The following OSBPL6 variants were observed in gnomAD, a reference collection of about 807,000 sequenced individuals.
The protein encoded by OSBPL6 is oxysterol binding protein like 6, also known as oxysterol-binding protein-related protein 6.
In OSBPL6, 49 loss-of-function variants were observed where a neutral mutation model predicts 125.8. The ratio of observed to expected loss-of-function variants is 0.39; its 90% CI spans 0.31 to 0.49. The LOEUF is 0.49. Ranked by LOEUF, OSBPL6 falls within the 20% of genes least tolerant of loss-of-function variation. OSBPL6 has a pLI of 0.88. For synonymous variants in OSBPL6, 394 were observed against 391.8 expected, an observed-to-expected ratio of 1.01 and a Z score of -0.07; for missense variants, 986 against 1,135.4, an observed-to-expected ratio of 0.87 and a Z score of 1.89.
At chr2:178,389,849 G>A (rs1305706535) in intron 21 of OSBPL6, among the ~76,000 whole-genome samples, 1 of 152,128 alleles carries the variant, frequency 6.6e-6, no homozygotes, top group Non-Finnish European at 1.5e-5. Flanking sequence ...TTCTAATATG[G>A]TAAACAGGTA....
At chr2:178,238,776 G>A (rs2091164760) in intron 1 of OSBPL6, among the ~76,000 whole-genome samples, 1 of 152,160 alleles carries the variant, frequency 6.6e-6, no homozygotes, top group South Asian at 2.1e-4. Flanking sequence ...CATGGTTTCA[G>A]GTACCCACTG....
intron 12 of OSBPL6, among the ~76,000 whole-genome samples, chr2:178,354,506 G>A (rs139566162): frequency 1.9e-4 from 29 of 152,252 alleles, no homozygotes; most frequent in African/African-American, 6.0e-4. Flanking sequence ...ATTACATAAT[G>A]GTAAAGTGAT....
chr2:178,365,484 G>A (rs918913262), intron 13 of OSBPL6, among the ~76,000 whole-genome samples: 8 of 151,972 alleles, frequency 5.3e-5, no homozygotes, highest in African/African-American at 1.9e-4. Context: ...CAACCAGCCT[G>A]GTCAACATGG....
chr2:178,334,731 A>T (rs1192870893), intron 8 of OSBPL6, among the ~76,000 whole-genome samples: 5 of 152,168 alleles, frequency 3.3e-5, no homozygotes, highest in Non-Finnish European at 1.5e-5. Flanking sequence ...CATGTTGGCC[A>T]TGCTGGTCTC....
intron 1 of OSBPL6, among the ~76,000 whole-genome samples, chr2:178,205,231 T>C (rs956576373): frequency 1.3e-5 from 2 of 152,062 alleles, no homozygotes; most frequent in African/African-American, 4.8e-5. Flanking sequence ...TAAAAAGAGG[T>C]TGAAGTGACA....
intron 2 of OSBPL6, among the ~76,000 whole-genome samples, chr2:178,301,076 A>G (rs13400415): frequency 0.046 from 6,928 of 152,084 alleles, 337 homozygotes; most frequent in East Asian, 0.18. Flanking sequence ...TTTTTTGAAC[A>G]ATTCAACCTG....
chr2:178,236,747 A>G (rs1371389211), intron 1 of OSBPL6, among the ~76,000 whole-genome samples: 1 of 152,190 alleles, frequency 6.6e-6, no homozygotes, highest in Non-Finnish European at 1.5e-5. Context: ...GTCACTTATA[A>G]CATTGTCTTA....
intron 18 of OSBPL6, among the ~76,000 whole-genome samples, 176 bp downstream of exon 18, chr2:178,384,352 C>A (rs1157104194): frequency 6.6e-6 from 1 of 152,200 alleles, no homozygotes; most frequent in East Asian, 1.9e-4. Flanking sequence ...GTTAAGGACA[C>A]ACCCATGACA....
intron 1 of OSBPL6, among the ~76,000 whole-genome samples, chr2:178,217,807 C>T (rs905232137): frequency 2.0e-5 from 3 of 152,128 alleles, no homozygotes; most frequent in African/African-American, 4.8e-5. Context: ...AAGATGGAGC[C>T]GCCATCTTGA....
chr2:178,335,285 G>C (rs1334604931), intron 8 of OSBPL6, among the ~76,000 whole-genome samples: 1 of 151,904 alleles, frequency 6.6e-6, no homozygotes, highest in Non-Finnish European at 1.5e-5. Context: ...GAGAATGGAA[G>C]ACTAAAATCA....
intron 13 of OSBPL6, among the ~76,000 whole-genome samples, chr2:178,370,506 G>A (rs191158583): frequency 5.9e-5 from 9 of 152,242 alleles, no homozygotes; most frequent in South Asian, 2.1e-4. Flanking sequence ...ATGCAGTGTC[G>A]TTGCTGGGTT....
intron 19 of OSBPL6, among the ~76,000 whole-genome samples, chr2:178,385,766 CTGTGCCGGTGGAGAGCCACCACCTTA>C (rs1267727239): frequency 6.6e-6 from 1 of 152,206 alleles, no homozygotes; most frequent in African/African-American, 2.4e-5. Context: ...TCCATGCGGA[CTGTGCCGGTGGAGAGCCACCACCTTA>C]TCTCATGTTC....
At chr2:178,334,036 C>G (rs758638383) in intron 8 of OSBPL6, among the ~76,000 whole-genome samples, 1 of 152,116 alleles carries the variant, frequency 6.6e-6, no homozygotes, top group African/African-American at 2.4e-5. Context: ...GGAGGCTGAC[C>G]TTGTTCTCTG....
intron 2 of OSBPL6, among the ~76,000 whole-genome samples, chr2:178,285,464 T>C (rs1005858396): frequency 6.6e-6 from 1 of 152,188 alleles, no homozygotes; most frequent in East Asian, 1.9e-4. Flanking sequence ...ATCCTTGCTT[T>C]CTTTATACAC....
chr2:178,206,606 T>G (rs2089544508), intron 1 of OSBPL6, among the ~76,000 whole-genome samples: 1 of 152,050 alleles, frequency 6.6e-6, no homozygotes, highest in South Asian at 2.1e-4. Context: ...GAGGTTTTTT[T>G]GTTTTGTTTT....
intron 23 of OSBPL6, among the ~76,000 whole-genome samples, chr2:178,393,008 A>C (rs547752457): frequency 2.0e-5 from 3 of 152,346 alleles, no homozygotes; most frequent in Admixed American, 2.0e-4. Flanking sequence ...CAGGAAAAGC[A>C]GTATTCATAG....
intron 15 of OSBPL6, 146 bp downstream of exon 15, chr2:178,374,173 T>G: frequency 1.0e-6 from 1 of 992,676 alleles, no homozygotes; most frequent in Non-Finnish European, 1.5e-6. Context: ...GCAGCAAAGC[T>G]AAAAGCATGC....
chr2:178,268,565 T>C (rs2092303078), intron 1 of OSBPL6, among the ~76,000 whole-genome samples: 3 of 152,224 alleles, frequency 2.0e-5, no homozygotes, highest in Non-Finnish European at 4.4e-5. Flanking sequence ...TGGAATGCCA[T>C]TCTGATTGCT....
intron 2 of OSBPL6, among the ~76,000 whole-genome samples, chr2:178,286,005 A>G (rs1684666653): frequency 6.6e-6 from 1 of 152,198 alleles, no homozygotes; most frequent in Non-Finnish European, 1.5e-5. Flanking sequence ...TCAGTAATTT[A>G]GTGTAATCAT....
Sources: allele counts gnomAD v4.1 joint callset (sites outside exome capture counted in the v4.1 genomes callset), GRCh38; gene constraint gnomAD v4.1.1; transcripts MANE v1.5; gene names NCBI Gene and HGNC (gene_info 2026-07-23, HGNC 2026-07-21).